Variants in PRR16 observed in about 807,000 individuals in gnomAD.
PRR16 encodes the protein protein Largen.
Under a neutral mutation model 18.2 loss-of-function variants are expected in PRR16, and 6 were observed. The ratio of observed to expected loss-of-function variants is 0.33; its 90% confidence interval spans 0.18 to 0.65. PRR16 has a LOEUF of 0.65. Ranked by LOEUF, PRR16 falls within the 30% of genes least tolerant of loss-of-function variation. The pLI is 0.74. For synonymous variants in PRR16, 151 were observed against 147.8 expected, an observed-to-expected ratio of 1.02 and a Z score of -0.16; for missense variants, 412 against 376.6, an observed-to-expected ratio of 1.09 and a Z score of -0.78.
At chr5:120,738,924 G>C in the PRR16 span, among the ~76,000 whole-genome samples, 1 of 152,154 alleles carries the variant, frequency 6.6e-6, no homozygotes, top group Non-Finnish European at 1.5e-5. Flanking sequence ...GAGGAGATCT[G>C]CTTCCTGGAA....
chr5:120,728,778 A>G, the PRR16 span, among the ~76,000 whole-genome samples: 1 of 152,170 alleles, frequency 6.6e-6, no homozygotes, highest in African/African-American at 2.4e-5. Flanking sequence ...TACTCTACTT[A>G]TTCTTATAGC....
intron 1 of PRR16, among the ~76,000 whole-genome samples, chr5:120,510,316 G>A (rs951428713): frequency 1.3e-5 from 2 of 152,086 alleles, no homozygotes; most frequent in South Asian, 2.1e-4. Context: ...AACATTCAAC[G>A]TGTTACATAG....
chr5:120,612,749 A>G (rs910124617), intron 1 of PRR16, among the ~76,000 whole-genome samples: 1 of 152,128 alleles, frequency 6.6e-6, no homozygotes, highest in Non-Finnish European at 1.5e-5. Context: ...ATTTGATTTG[A>G]TTCTTTTTGC....
the PRR16 span, among the ~76,000 whole-genome samples, chr5:120,725,123 T>C: frequency 6.6e-6 from 1 of 151,878 alleles, no homozygotes; most frequent in Non-Finnish European, 1.5e-5. Context: ...CAGCATTGTA[T>C]AAAGGTGCTG....
chr5:120,563,412 G>A (rs905765021), intron 1 of PRR16, among the ~76,000 whole-genome samples: 1 of 152,184 alleles, frequency 6.6e-6, no homozygotes, highest in African/African-American at 2.4e-5. Flanking sequence ...TTAGCCTGAT[G>A]TTCTGGTTTT....
At chr5:120,716,090 A>C in the PRR16 span, among the ~76,000 whole-genome samples, 1 of 152,212 alleles carries the variant, frequency 6.6e-6, no homozygotes, top group African/African-American at 2.4e-5. Context: ...AGAAAAAAGC[A>C]TCTCCAGAAA....
chr5:120,538,035 C>T (rs981640395), intron 1 of PRR16, among the ~76,000 whole-genome samples: 2 of 152,008 alleles, frequency 1.3e-5, no homozygotes, highest in Non-Finnish European at 2.9e-5. Flanking sequence ...CTCGGCCTCC[C>T]AAAGTGCTGG....
intron 1 of PRR16, among the ~76,000 whole-genome samples, chr5:120,550,919 A>T (rs1752234172): frequency 6.6e-6 from 1 of 152,000 alleles, no homozygotes; most frequent in Admixed American, 6.6e-5. Context: ...AGTATACCTG[A>T]CAAAAAATTG....
intron 1 of PRR16, among the ~76,000 whole-genome samples, chr5:120,538,564 C>T (rs1209918849): frequency 2.0e-5 from 3 of 152,068 alleles, no homozygotes; most frequent in African/African-American, 4.8e-5. Context: ...ATATAGGGGA[C>T]CAAATAAAGG....
intron 1 of PRR16, among the ~76,000 whole-genome samples, chr5:120,544,137 A>G (rs1752001353): frequency 6.6e-6 from 1 of 152,156 alleles, no homozygotes; most frequent in African/African-American, 2.4e-5. Flanking sequence ...TAGGTACAGA[A>G]CTGAGTGAAA....
At chr5:120,502,099 GC>G (rs1455364672) in intron 1 of PRR16, among the ~76,000 whole-genome samples, 16 of 151,246 alleles carry the variant, frequency 1.1e-4, no homozygotes, top group South Asian at 6.2e-4. Context: ...AGGGAAGTTT[GC>G]CAAAATTTAT....
chr5:120,638,465 T>C (rs1012992680), intron 1 of PRR16, among the ~76,000 whole-genome samples: 44 of 152,160 alleles, frequency 2.9e-4, no homozygotes, highest in Admixed American at 2.9e-3. Flanking sequence ...AATATGATAA[T>C]ACCACTGTGA....
At chr5:120,593,400 G>A (rs186407090) in intron 1 of PRR16, among the ~76,000 whole-genome samples, 66 of 152,054 alleles carry the variant, frequency 4.3e-4, no homozygotes, top group African/African-American at 1.5e-3. Context: ...AGAATATCTG[G>A]GAGAAGTGGA....
chr5:120,596,265 A>G (rs773314166), intron 1 of PRR16, among the ~76,000 whole-genome samples: 53 of 151,606 alleles, frequency 3.5e-4, no homozygotes, highest in Non-Finnish European at 6.5e-4. Context: ...TTTCCTACAT[A>G]AGGTACCTAA....
intron 1 of PRR16, among the ~76,000 whole-genome samples, chr5:120,611,188 G>C (rs184936867): frequency 4.3e-4 from 66 of 152,292 alleles, no homozygotes; most frequent in African/African-American, 1.4e-3. Flanking sequence ...TGTGCAAGTG[G>C]TGACTTGGGT....
chr5:120,691,311 TA>T (rs1181773336), downstream of PRR16, among the ~76,000 whole-genome samples: 1 of 152,198 alleles, frequency 6.6e-6, no homozygotes, highest in East Asian at 1.9e-4. Context: ...AGGGGTTACC[TA>T]ATGTTGTTTT....
intron 1 of PRR16, among the ~76,000 whole-genome samples, chr5:120,558,361 A>G (rs551201219): frequency 6.6e-6 from 1 of 151,918 alleles, no homozygotes; most frequent in East Asian, 1.9e-4. Flanking sequence ...TGAACTCATC[A>G]TGTTTTGATT....
At chr5:120,719,153 G>A in the PRR16 span, among the ~76,000 whole-genome samples, 1 of 151,964 alleles carries the variant, frequency 6.6e-6, no homozygotes, top group Non-Finnish European at 1.5e-5. Flanking sequence ...AAATATCATT[G>A]TTATATACTT....
At chr5:120,607,871 CT>C (rs896129019) in intron 1 of PRR16, among the ~76,000 whole-genome samples, 3 of 151,700 alleles carry the variant, frequency 2.0e-5, no homozygotes, top group Admixed American at 6.6e-5. Flanking sequence ...TCTCACCCTT[CT>C]TTTTTTTAAT....
Sources: gnomAD v4.1 joint callset for allele counts (sites outside exome capture counted in the v4.1 genomes callset) on GRCh38, gnomAD v4.1.1 for gene constraint, MANE v1.5 for transcripts, NCBI Gene and HGNC (gene_info 2026-07-23, HGNC 2026-07-21) for gene names.